The following SVIL variants were observed in gnomAD, a reference collection of about 807,000 sequenced individuals.
SVIL encodes the protein archvillin.
SVIL carries 101 observed loss-of-function variants against 240.4 expected under a neutral mutation model. The observed-to-expected ratio is 0.42, with a 90% CI of 0.36 to 0.50. SVIL has a LOEUF of 0.50. SVIL is among the 20% of genes least tolerant of loss of function. SVIL has a pLI of 0.01. For missense variants in SVIL, 2,512 were observed against 2,818.7 expected, an observed-to-expected ratio of 0.89 and a Z score of 2.46; for synonymous variants, 999 against 1,100.0, an observed-to-expected ratio of 0.91 and a Z score of 1.82.
chr10:29,471,396 C>T (rs1429001913), intron 30 of SVIL, among the ~76,000 whole-genome samples, 153 bp from the exon 31 acceptor site: 2 of 152,222 alleles, frequency 1.3e-5, no homozygotes, highest in Non-Finnish European at 2.9e-5. Context: ...GCTCTGCGAA[C>T]GCTGCCGTGT....
intron 35 of SVIL, 50 bp downstream of exon 35, chr10:29,463,442 G>A: frequency 6.3e-7 from 1 of 1,584,874 alleles, no homozygotes; most frequent in Non-Finnish European, 8.6e-7. Context: ...GCATGCCTGA[G>A]GGGCTTCCCC....
chr10:29,610,275 C>T (rs1444969061), intron 1 of SVIL, among the ~76,000 whole-genome samples: 1 of 152,070 alleles, frequency 6.6e-6, no homozygotes, highest in Non-Finnish European at 1.5e-5. Flanking sequence ...CTTGTACAAT[C>T]ACAACAGCCT....
At chr10:29,571,987 G>C (rs1564659030) in intron 1 of SVIL, among the ~76,000 whole-genome samples, 1 of 152,138 alleles carries the variant, frequency 6.6e-6, no homozygotes, top group Non-Finnish European at 1.5e-5. Flanking sequence ...ACTGTACCTG[G>C]TGCACAGTAG....
intron 1 of SVIL, among the ~76,000 whole-genome samples, chr10:29,731,949 CCG>C (rs1377279450): frequency 6.6e-6 from 1 of 152,248 alleles, no homozygotes; most frequent in African/African-American, 2.4e-5. Context: ...CAAAATAACG[CCG>C]CCTGTTCATC....
At chr10:29,625,071 G>C (rs541740222) in intron 1 of SVIL, among the ~76,000 whole-genome samples, 1 of 144,010 alleles carries the variant, frequency 6.9e-6, no homozygotes, top group South Asian at 2.2e-4. Context: ...GTCTTAAAAA[G>C]AAAAAAAAAA....
chr10:29,689,475 G>C (rs1162739494), intron 1 of SVIL, among the ~76,000 whole-genome samples: 1 of 152,122 alleles, frequency 6.6e-6, no homozygotes, highest in African/African-American at 2.4e-5. Context: ...TAGTAGAGAT[G>C]GGGTTTCACT....
At chr10:29,520,498 G>A (rs893669701) in intron 16 of SVIL, among the ~76,000 whole-genome samples, 3 of 152,132 alleles carry the variant, frequency 2.0e-5, no homozygotes, top group Non-Finnish European at 4.4e-5. Flanking sequence ...AACTTATCAT[G>A]AATTTTAAGT....
chr10:29,727,801 A>C (rs1285519982), intron 1 of SVIL, among the ~76,000 whole-genome samples: 1 of 152,044 alleles, frequency 6.6e-6, no homozygotes, highest in African/African-American at 2.4e-5. Flanking sequence ...TTTGCAGGGA[A>C]CAAGTGCCAG....
intron 13 of SVIL, among the ~76,000 whole-genome samples, chr10:29,525,759 G>T (rs1950856942): frequency 6.6e-6 from 1 of 152,174 alleles, no homozygotes; most frequent in Non-Finnish European, 1.5e-5. Flanking sequence ...CCAATTGTCA[G>T]ATCTAGTAAA....
At chr10:29,582,781 T>C (rs1956004191) in intron 1 of SVIL, among the ~76,000 whole-genome samples, 2 of 144,114 alleles carry the variant, frequency 1.4e-5, no homozygotes. Flanking sequence ...TAAACCTAGG[T>C]GTTCACTGTA....
chr10:29,524,732 G>A lies in SVIL; in HGVS notation c.2343-17C>T, dbSNP rs764053895. 1.9e-6 allele frequency: 3 copies of A among 1,612,644 alleles called. No homozygotes were observed. Among genetic ancestry groups the A allele is most frequent in the Admixed American group, 1.7e-5 (1 of 59,838 alleles). ...GCCTGCAATCTGAAAAAAATAAAATGTCAGCAACACATATACCAACAAACA... is the reference window on the plus strand; with the variant it reads ...GCCTGCAATCTGAAAAAAATAAAATATCAGCAACACATATACCAACAAACA... On this transcript the variant is annotated splice_polypyrimidine_tract_variant and intron_variant, in intron 13 of 37. Transcript: ENST00000355867.
At chr10:29,709,906 C>T (rs1963159757) in intron 1 of SVIL, among the ~76,000 whole-genome samples, 1 of 152,130 alleles carries the variant, frequency 6.6e-6, no homozygotes, top group Admixed American at 6.5e-5. Flanking sequence ...TGCAGCTCCT[C>T]CCCAGACTGT....
At chr10:29,535,057 T>C (rs1224908745) in intron 7 of SVIL, among the ~76,000 whole-genome samples, 1 of 152,188 alleles carries the variant, frequency 6.6e-6, no homozygotes, top group Non-Finnish European at 1.5e-5. Flanking sequence ...GTGCACTGTA[T>C]GGAAAAGAAT....
At chr10:29,542,701 A>T (rs1952273615) in intron 6 of SVIL, among the ~76,000 whole-genome samples, 1 of 152,224 alleles carries the variant, frequency 6.6e-6, no homozygotes, top group Admixed American at 6.5e-5. Context: ...TAGTTATTTT[A>T]AAATGCACGA....
intron 16 of SVIL, among the ~76,000 whole-genome samples, chr10:29,519,902 C>A (rs1232600292): frequency 1.3e-5 from 2 of 152,198 alleles, no homozygotes; most frequent in African/African-American, 4.8e-5. Context: ...CCGGGCTGTT[C>A]ACAGAAACTT....
rs370546642 is a variant in SVIL, at chr10:29,550,691, A to T, written c.733T>A (p.Ser245Thr). 1.7e-5 allele frequency: 27 copies of T among 1,613,826 alleles called. No homozygotes were observed. Among genetic ancestry groups the T allele is most frequent in the Non-Finnish European group, 2.3e-5 (27 of 1,179,988 alleles). Reference sequence around the variant, plus strand: ...GAGGAGCTGTGGGCGTGCTTGGGGGACCGTGGCACTTCAGTGAAGGAGGAG... The same window carrying T: ...GAGGAGCTGTGGGCGTGCTTGGGGGTCCGTGGCACTTCAGTGAAGGAGGAG... The part of the protein sequence containing the change: ...RDSSFTEVPR[S>T]PKHAHSSSLQ... Residue 245 changes from serine (S) to threonine (T), a missense_variant, in exon 6 of 38, where the codon TCC (serine) becomes ACC (threonine). Coordinates refer to ENST00000355867, the MANE Select transcript of SVIL (RefSeq NM_021738.3).
At chr10:29,495,947 T>A (rs771846701) in intron 18 of SVIL, among the ~76,000 whole-genome samples, 9 of 152,324 alleles carry the variant, frequency 5.9e-5, no homozygotes, top group Non-Finnish European at 1.2e-4. Flanking sequence ...GAAAGAAAAC[T>A]GATTAGTGCA....
At position 29,522,635 on chromosome 10, in the gene SVIL, G is replaced by A. The variant is rs116378282; in HGVS notation, c.3164C>T (p.Ala1055Val). The A allele has an allele frequency of 9.7e-5, 156 of 1,613,426 alleles. No homozygotes were observed. The African/African-American group carries it at 1.8e-3, about 19-fold the overall frequency. ...NVMKRKFSLR[A>V]AEFGEPTSEQ... ...GGAAGTGGGCTCCCCGAACTCTGCCGCTGGGAAGGAAAAGAGCAACATCAG... is the reference window on the plus strand; with the variant it reads ...GGAAGTGGGCTCCCCGAACTCTGCCACTGGGAAGGAAAAGAGCAACATCAG... Residue 1055 changes from alanine to valine, a missense_variant and splice_region_variant, in exon 16 of 38, where the codon GCG becomes GTG. Ala to Val is a moderately conservative substitution (Grantham distance 64, BLOSUM62 0). Transcript: ENST00000355867.
At chr10:29,684,052 C>A (rs536800386) in intron 2 of SVIL, among the ~76,000 whole-genome samples, 1 of 151,880 alleles carries the variant, frequency 6.6e-6, no homozygotes, top group South Asian at 2.1e-4. Context: ...AGCCAACCAC[C>A]CCCACCGAAA....
Sources: allele counts gnomAD v4.1 joint callset (sites outside exome capture counted in the v4.1 genomes callset), GRCh38; gene constraint gnomAD v4.1.1; transcripts MANE v1.5; gene names NCBI Gene and HGNC (gene_info 2026-07-23, HGNC 2026-07-21).